TMEM181: variants seen among roughly 807,000 people sequenced by gnomAD.
TMEM181 encodes transmembrane protein 181, also known as G protein-coupled receptor 178.
A neutral mutation model predicts 71.9 loss-of-function variants in TMEM181; 39 were observed. That is an observed-to-expected ratio of 0.54 (90% confidence interval 0.42 to 0.71). The LOEUF (loss-of-function observed/expected upper bound fraction) is 0.71, where lower values mean the gene tolerates loss of function less well. Among genes scored for constraint, TMEM181 ranks in the 30% least tolerant of loss-of-function variants. The pLI is 0.00. For synonymous variants in TMEM181, 245 were observed against 228.8 expected (o/e 1.07, Z -0.64); for missense variants, 595 against 583.0 (o/e 1.02, Z -0.21).
rs1363569648 is a variant in TMEM181 at position 158,605,154 on chromosome 6, G to GTGTGTGTGTGTA, written c.493-108_493-107insGTGTGTATGTGT. ...AAAGTGTGTGTGTGTGTGTGTGTGT[G>GTGTGTGTGTGTA]TGTGTATGTGTATATATTGTCTCAT... On this transcript the variant is annotated intron_variant, in intron 6 of 16. Coordinates refer to ENST00000684151, the MANE Select transcript of TMEM181 (RefSeq NM_001376852.1). 160 of 576,438 alleles carry GTGTGTGTGTGTA rather than the reference G, an allele frequency of 2.8e-4. 2 individuals are homozygous for GTGTGTGTGTGTA. In the African/African-American group the frequency reaches 2.8e-3, roughly 10 times the overall value. The allele number at this position is 576,438 out of a possible 1,614,324, so 35.7% of individuals were successfully genotyped here.
At chr6:158,540,309 C>A (rs937076113) in intron 1 of TMEM181, among the ~76,000 whole-genome samples, 3 of 152,220 alleles carry the variant, frequency 2.0e-5, no homozygotes, top group African/African-American at 4.8e-5. Context: ...AACCACTTGG[C>A]AAGCAGCTAC....
At chr6:158,537,179 G>A (rs1781148942) in intron 1 of TMEM181, among the ~76,000 whole-genome samples, 1 of 152,008 alleles carries the variant, frequency 6.6e-6, no homozygotes, top group African/African-American at 2.4e-5. Context: ...AAGGAGCTGC[G>A]GGTTGTGGCT....
intron 1 of TMEM181, among the ~76,000 whole-genome samples, chr6:158,573,143 C>T (rs979836854): frequency 1.3e-5 from 2 of 152,118 alleles, no homozygotes; most frequent in Non-Finnish European, 2.9e-5. Flanking sequence ...GCATTCTCCT[C>T]GAGTGTGGGG....
chr6:158,577,671 G>C (rs895849945), intron 2 of TMEM181, among the ~76,000 whole-genome samples: 2 of 152,144 alleles, frequency 1.3e-5, no homozygotes, highest in Non-Finnish European at 2.9e-5. Context: ...GCCAAAGACA[G>C]AATCTTGAAA....
At chr6:158,606,465 C>G (rs1488313886) in intron 7 of TMEM181, among the ~76,000 whole-genome samples, 12 of 152,222 alleles carry the variant, frequency 7.9e-5, no homozygotes, top group Admixed American at 7.8e-4. Context: ...CTGCCACACT[C>G]TGGAGTCCAA....
rs754623249 is a variant in TMEM181 at position 158,571,297 on chromosome 6, C to T, written c.9-2123C>T. Among the ~76,000 whole-genome samples, 11 of 150,134 alleles carry T rather than the reference C, an allele frequency of 7.3e-5. No homozygotes were observed. In the East Asian group the frequency reaches 8.0e-4, roughly 11 times the overall value. On this transcript the variant is annotated intron_variant, in intron 1 of 16. Coordinates refer to ENST00000684151, the MANE Select transcript of TMEM181 (RefSeq NM_001376852.1). ...GTTTTTTAGTAAAGACGGGGTTTCACCGTGTTAGCAGGATGGTCTCGATCT... is the reference window on the plus strand; with the variant it reads ...GTTTTTTAGTAAAGACGGGGTTTCATCGTGTTAGCAGGATGGTCTCGATCT...
At chr6:158,603,644 A>G (rs996522252) in intron 6 of TMEM181, among the ~76,000 whole-genome samples, 1 of 144,250 alleles carries the variant, frequency 6.9e-6, no homozygotes, top group Admixed American at 7.2e-5. Context: ...CTGTGCCTTC[A>G]CATTTACCAA....
intron 1 of TMEM181, among the ~76,000 whole-genome samples, chr6:158,567,445 G>C (rs1269440633): frequency 6.6e-6 from 1 of 152,250 alleles, no homozygotes; most frequent in Non-Finnish European, 1.5e-5. Context: ...TTCGCCGTCA[G>C]GCACTCTGCT....
At chr6:158,557,320 C>T (rs1180858934), upstream of TMEM181, among the ~76,000 whole-genome samples, 2 of 150,870 alleles carry the variant, frequency 1.3e-5, no homozygotes, top group Non-Finnish European at 2.9e-5. Flanking sequence ...TGCAGTGAGC[C>T]GAGATTGCGC....
At chr6:158,537,457 T>C (rs1388465054) in intron 1 of TMEM181, among the ~76,000 whole-genome samples, 1 of 152,182 alleles carries the variant, frequency 6.6e-6, no homozygotes, top group Non-Finnish European at 1.5e-5. Context: ...GGAACTTGTT[T>C]GCGTTCATCT....
At chr6:158,630,545 T>C (rs1786601221) in intron 15 of TMEM181, among the ~76,000 whole-genome samples, 2 of 152,138 alleles carry the variant, frequency 1.3e-5, no homozygotes, top group Middle Eastern at 3.4e-3. Flanking sequence ...TGCCCAACTA[T>C]AGGCTAATGT....
chr6:158,545,120 C>T (rs1459520805), intron 1 of TMEM181, among the ~76,000 whole-genome samples: 7 of 152,206 alleles, frequency 4.6e-5, no homozygotes, highest in South Asian at 2.1e-4. Context: ...CTTGCTCAGC[C>T]GTGGGCTGCA....
chr6:158,620,808 T>G lies in TMEM181; in HGVS notation c.897-2742T>G, dbSNP rs1263705498. The stretch of plus-strand genomic sequence containing the variant: ...CAAGAGAGCCTCTGTCCCCAACATC[T>G]GTCCCGGGTTTCAGCACCAAATGTA... On this transcript the variant is annotated intron_variant, in intron 10 of 16. Transcript: ENST00000684151. The surrounding 1 kb of genome is among the most constrained non-coding windows in gnomAD (Gnocchi z 4.5). 4.6e-5 allele frequency among the ~76,000 whole-genome samples: 7 copies of G among 152,206 alleles called. No homozygotes were observed. Among genetic ancestry groups the G allele is most frequent in the Non-Finnish European group, 1.0e-4 (7 of 68,040 alleles).
chr6:158,599,584 C>T (rs146737682), intron 6 of TMEM181, among the ~76,000 whole-genome samples: 8 of 152,194 alleles, frequency 5.3e-5, no homozygotes, highest in African/African-American at 1.7e-4. Context: ...ACAAACAAAA[C>T]CCCCAAACCC....
At chr6:158,536,795 C>T in exon 1 of TMEM181, 1 of 1,561,668 alleles carries the variant, frequency 6.4e-7, no homozygotes, top group Non-Finnish European at 8.6e-7. Context: ...GCACCTGTGC[C>T]GGCGGCTGCG....
intron 1 of TMEM181, among the ~76,000 whole-genome samples, chr6:158,563,848 C>A (rs1056747978): frequency 6.6e-6 from 1 of 152,148 alleles, no homozygotes; most frequent in African/African-American, 2.4e-5. Flanking sequence ...ATGGTGCGAT[C>A]TCAGCTCACT....
intron 6 of TMEM181, among the ~76,000 whole-genome samples, chr6:158,595,000 G>A (rs915244248): frequency 3.3e-5 from 5 of 152,152 alleles, no homozygotes; most frequent in African/African-American, 1.2e-4. Flanking sequence ...ACTTCTTTGG[G>A]TAAATATCAA....
intron 1 of TMEM181, among the ~76,000 whole-genome samples, chr6:158,548,626 G>A (rs1562614290): frequency 6.6e-6 from 1 of 152,164 alleles, no homozygotes; most frequent in Non-Finnish European, 1.5e-5. Flanking sequence ...AAGGGATGGT[G>A]TCCTCATTCT....
At chr6:158,574,136 C>T (rs1783030025) in intron 2 of TMEM181, among the ~76,000 whole-genome samples, 1 of 152,174 alleles carries the variant, frequency 6.6e-6, no homozygotes. Context: ...CTTTGTTTCC[C>T]TCTTAAATAA....
Sources: allele counts gnomAD v4.1 joint callset (sites outside exome capture counted in the v4.1 genomes callset), GRCh38; gene constraint gnomAD v4.1.1; non-coding constraint Gnocchi (gnomAD v3.1); transcripts MANE v1.5; gene names NCBI Gene and HGNC (gene_info 2026-07-23, HGNC 2026-07-21).